The following CNBD1 variants were observed in gnomAD, a reference collection of about 807,000 sequenced individuals.
CNBD1 encodes cyclic nucleotide-binding domain-containing protein 1.
A neutral mutation model predicts 54.4 loss-of-function variants in CNBD1; 71 were observed. The observed-to-expected ratio is 1.30, with a 90% confidence interval of 1.08 to 1.59. The LOEUF is 1.59. CNBD1 is among the 40% of genes most tolerant of loss of function. The pLI is 0.00. For missense variants in CNBD1, 659 were observed against 518.0 expected (o/e 1.27, Z -2.64); for synonymous variants, 182 against 170.7 (o/e 1.07, Z -0.51).
chr8:87,059,541 A>T (rs948401451), intron 4 of CNBD1, among the ~76,000 whole-genome samples: 2 of 152,194 alleles, frequency 1.3e-5, no homozygotes, highest in Non-Finnish European at 2.9e-5. Flanking sequence ...TAAAATCATG[A>T]TGGAAGGGGA....
At chr8:87,230,047 T>C (rs1423419533) in intron 5 of CNBD1, among the ~76,000 whole-genome samples, 1 of 152,118 alleles carries the variant, frequency 6.6e-6, no homozygotes, top group African/African-American at 2.4e-5. Context: ...TGGGGAGGCC[T>C]CAGGAAACTA....
intron 2 of CNBD1, among the ~76,000 whole-genome samples, chr8:87,426,523 A>G (rs898077402): frequency 6.6e-6 from 1 of 152,242 alleles, no homozygotes; most frequent in Admixed American, 6.5e-5. Flanking sequence ...TATGTCAATT[A>G]AAAACAATAA....
At chr8:87,036,470 T>C (rs1809949689) in intron 4 of CNBD1, among the ~76,000 whole-genome samples, 1 of 151,700 alleles carries the variant, frequency 6.6e-6, no homozygotes, top group Admixed American at 6.6e-5. Context: ...GGTGGGCGCC[T>C]GTAGTCCCAG....
chr8:87,221,338 TA>T (rs1479179705), intron 5 of CNBD1, among the ~76,000 whole-genome samples: 1 of 152,116 alleles, frequency 6.6e-6, no homozygotes, highest in Non-Finnish European at 1.5e-5. Flanking sequence ...GTGAATTCTT[TA>T]AAATACTTTT....
intron 10 of CNBD1, among the ~76,000 whole-genome samples, chr8:87,377,334 GATATTCCCCT>G (rs975182560): frequency 7.1e-6 from 1 of 140,020 alleles, no homozygotes; most frequent in Non-Finnish European, 1.5e-5. Context: ...CCCAGAGTGC[GATATTCCCCT>G]TCCTGTGTCC....
intron 4 of CNBD1, among the ~76,000 whole-genome samples, chr8:86,974,818 C>T (rs13275001): frequency 0.025 from 3,816 of 151,828 alleles, 75 homozygotes; most frequent in South Asian, 0.042. Context: ...TGTTTATGTT[C>T]GGTTTCTTTT....
Position 86,902,370 on chromosome 8 carries a change from T to C in CNBD1, c.159-2711T>C, listed in dbSNP as rs541289338. Among the ~76,000 whole-genome samples, 127 of 152,138 alleles carry C rather than the reference T, an allele frequency of 8.3e-4. 2 individuals are homozygous for C. The highest frequency in any genetic ancestry group is 3.0e-3 in the African/African-American group (123 of 41,522). Reference sequence around the variant, plus strand: ...AGTCATTTTTACATGAGAGTACAGATCTCTGACTTCTGTAGAAAACTACAG... The same window carrying C: ...AGTCATTTTTACATGAGAGTACAGACCTCTGACTTCTGTAGAAAACTACAG... On this transcript the variant is annotated intron_variant, in intron 2 of 10. Transcript: ENST00000518476.
chr8:87,271,978 T>C (rs543537432), intron 6 of CNBD1, among the ~76,000 whole-genome samples: 87 of 152,058 alleles, frequency 5.7e-4, no homozygotes, highest in Non-Finnish European at 9.6e-4. Flanking sequence ...ATGGAGGTGA[T>C]TGTGTAACGT....
chr8:87,076,476 A>C (rs1461424306), intron 4 of CNBD1, among the ~76,000 whole-genome samples: 2 of 151,696 alleles, frequency 1.3e-5, no homozygotes, highest in African/African-American at 4.8e-5. Context: ...AGAGTCTCAC[A>C]CTGTTGCCCA....
chr8:87,338,791 A>G (rs1471572763), intron 8 of CNBD1, among the ~76,000 whole-genome samples: 5 of 152,050 alleles, frequency 3.3e-5, no homozygotes. Context: ...TCATGTTAAT[A>G]TGTCTTGTAA....
intron 4 of CNBD1, among the ~76,000 whole-genome samples, chr8:86,984,678 T>A (rs1355170392): frequency 1.3e-5 from 2 of 152,186 alleles, no homozygotes; most frequent in East Asian, 3.9e-4. Flanking sequence ...CCCACTGGAC[T>A]TTGGACTTGC....
At chr8:87,025,563 C>A (rs962180198) in intron 4 of CNBD1, among the ~76,000 whole-genome samples, 4 of 151,054 alleles carry the variant, frequency 2.6e-5, no homozygotes, top group Non-Finnish European at 5.9e-5. Context: ...GACCGCGAAC[C>A]CACCAGGTGG....
chr8:87,034,194 G>A (rs1332932990), intron 4 of CNBD1, among the ~76,000 whole-genome samples: 1 of 152,160 alleles, frequency 6.6e-6, no homozygotes, highest in Non-Finnish European at 1.5e-5. Context: ...ATTACATATT[G>A]AGCAACTCAA....
At chr8:86,976,001 C>A (rs1808332184) in intron 4 of CNBD1, among the ~76,000 whole-genome samples, 1 of 151,604 alleles carries the variant, frequency 6.6e-6, no homozygotes, top group Non-Finnish European at 1.5e-5. Context: ...ATATTTTTTT[C>A]ATACCTGTTG....
intron 4 of CNBD1, among the ~76,000 whole-genome samples, chr8:87,109,540 CTTTTT>C (rs35541466): frequency 2.8e-5 from 3 of 107,964 alleles, no homozygotes; most frequent in Admixed American, 9.1e-5. Context: ...TTCTTTCTTT[CTTTTT>C]TTTTTTTTTT....
At chr8:87,102,088 TATGTTA>T (rs1353445635) in intron 4 of CNBD1, among the ~76,000 whole-genome samples, 2 of 151,984 alleles carry the variant, frequency 1.3e-5, no homozygotes, top group African/African-American at 4.8e-5. Flanking sequence ...GGGGTTTCAC[TATGTTA>T]ACCAGGATGG....
intron 8 of CNBD1, among the ~76,000 whole-genome samples, chr8:87,329,945 G>A (rs1402819166): frequency 4.6e-5 from 7 of 151,920 alleles, no homozygotes; most frequent in African/African-American, 1.7e-4. Flanking sequence ...GGACTAGTGA[G>A]AGGAGATATC....
chr8:86,981,013 G>T (rs1808474462), intron 4 of CNBD1, among the ~76,000 whole-genome samples: 1 of 152,198 alleles, frequency 6.6e-6, no homozygotes, highest in Admixed American at 6.5e-5. Context: ...CAAGAGGGGT[G>T]TGGTTATAGC....
chr8:87,169,906 A>G (rs1813050056), intron 4 of CNBD1, among the ~76,000 whole-genome samples: 1 of 152,134 alleles, frequency 6.6e-6, no homozygotes, highest in Non-Finnish European at 1.5e-5. Context: ...TTGTGGTTCC[A>G]TATAAATTTA....
Sources: gnomAD v4.1 joint callset for allele counts (sites outside exome capture counted in the v4.1 genomes callset) on GRCh38, gnomAD v4.1.1 for gene constraint, MANE v1.5 for transcripts, NCBI Gene and HGNC (gene_info 2026-07-23, HGNC 2026-07-21) for gene names.